Variants in KIRREL3 observed in about 807,000 individuals in gnomAD.
The protein encoded by KIRREL3 is kirre like nephrin family adhesion molecule 3, also known as kin of IRRE-like protein 3.
Under a neutral mutation model 89.7 loss-of-function variants are expected in KIRREL3, and 36 were observed. That is an observed-to-expected ratio of 0.40 (90% CI 0.31 to 0.53). KIRREL3 has a LOEUF of 0.53. Ranked by LOEUF, KIRREL3 falls within the 20% of genes least tolerant of loss-of-function variation. KIRREL3 has a pLI of 0.49. For missense variants in KIRREL3, 864 were observed against 1,056.6 expected (o/e 0.82, Z 2.53); for synonymous variants, 445 against 441.4 (o/e 1.01, Z -0.10).
chr11:126,813,629 C>T (rs1022572077), intron 1 of KIRREL3, among the ~76,000 whole-genome samples: 5 of 152,130 alleles, frequency 3.3e-5, no homozygotes, highest in Non-Finnish European at 5.9e-5. Context: ...ACCATTTAGT[C>T]ATTAGGACCC....
chr11:126,544,038 C>T lies in KIRREL3; in HGVS notation c.134-17351G>A, dbSNP rs957554991. The stretch of plus-strand genomic sequence containing the variant: ...CAGCACATGGGCATGTGGCCCCACT[C>T]CTGTCTGCTCCCCAGGACAACTCTA... On this transcript the variant is annotated intron_variant, in intron 2 of 16. Coordinates refer to ENST00000525144, the MANE Select transcript of KIRREL3 (RefSeq NM_032531.4). The surrounding 1 kb of genome is among the most constrained non-coding windows in gnomAD (Gnocchi z 5.6). 4 of 152,480 alleles carry T rather than the reference C, an allele frequency of 2.6e-5. No homozygotes were observed. Among genetic ancestry groups the T allele is most frequent in the Non-Finnish European group, 5.9e-5 (4 of 68,262 alleles). The allele number at this position is 152,480 out of a possible 1,614,324, so 9.4% of individuals were successfully genotyped here.
At chr11:126,472,369 C>T (rs1191325774) in intron 5 of KIRREL3, among the ~76,000 whole-genome samples, 6 of 152,156 alleles carry the variant, frequency 3.9e-5, no homozygotes, top group Non-Finnish European at 8.8e-5. Context: ...TGTTGAGGGA[C>T]AGACACCTGG....
At chr11:126,626,995 T>A (rs1212636337) in intron 1 of KIRREL3, among the ~76,000 whole-genome samples, 1 of 131,274 alleles carries the variant, frequency 7.6e-6, no homozygotes, top group Admixed American at 8.4e-5. Flanking sequence ...AGTGAAACAC[T>A]GTCTCAAGAA....
At chr11:126,461,558 C>G (rs1257253324) in intron 6 of KIRREL3, among the ~76,000 whole-genome samples, 3 of 152,166 alleles carry the variant, frequency 2.0e-5, no homozygotes, top group Non-Finnish European at 4.4e-5. Context: ...GGTGGCAAGA[C>G]AGTGAAGATA....
At chr11:126,446,302 C>CTTTCTT (rs754506296) in intron 9 of KIRREL3, among the ~76,000 whole-genome samples, 1 of 145,956 alleles carries the variant, frequency 6.9e-6, no homozygotes, top group Admixed American at 6.9e-5. Flanking sequence ...TTCTTTCTTT[C>CTTTCTT]TCTCTCTCTC....
In KIRREL3 at chr11:126,666,503, A is replaced by G. The variant is rs1028287015; in HGVS notation, c.56-103591T>C. On this transcript the variant is annotated intron_variant, in intron 1 of 16. Coordinates refer to ENST00000525144, the MANE Select transcript of KIRREL3 (RefSeq NM_032531.4). The surrounding 1 kb of genome is among the most constrained non-coding windows in gnomAD (Gnocchi z 4.2). Reference sequence around the variant, plus strand: ...AGAAGGGACAAATCTAATGATAAGAAAGTTACAGCCAAGTTTATTGAACAA... The same window carrying G: ...AGAAGGGACAAATCTAATGATAAGAGAGTTACAGCCAAGTTTATTGAACAA... Among the ~76,000 whole-genome samples, 101 of 152,360 alleles carry G rather than the reference A, an allele frequency of 6.6e-4. 1 individual carries two copies. Among genetic ancestry groups the G allele is most frequent in the Admixed American group, 6.5e-3 (100 of 15,306 alleles).
In KIRREL3 at chr11:126,484,881, T is replaced by C. The variant is rs1265034515; in HGVS notation, c.434-11415A>G. ...CCCAGGCTGGAGTGCAATGGCACAA[T>C]GTAGGCTCACTGCAGCCTCCGCCTC... On this transcript the variant is annotated intron_variant, in intron 4 of 16. Transcript: ENST00000525144. The surrounding 1 kb of genome is among the most constrained non-coding windows in gnomAD (Gnocchi z 5.2). 6.6e-6 allele frequency among the ~76,000 whole-genome samples: 1 copy of C among 151,296 alleles called. No homozygotes were observed. Among genetic ancestry groups the C allele is most frequent in the African/African-American group, 2.4e-5 (1 of 41,128 alleles).
rs1442587574 is a variant in KIRREL3, at chr11:126,837,799, C to T, written c.55+162656G>A. Among the ~76,000 whole-genome samples, 1 of 152,218 alleles carries T rather than the reference C, an allele frequency of 6.6e-6. No individual in the cohort carries two copies. The highest frequency in any genetic ancestry group is 1.5e-5 in the Non-Finnish European group (1 of 68,040). ...CACAATGGAAGCTTTGTTTATTTCA[C>T]ATGGGACAGCAACTTGCTATCCATT... On this transcript the variant is annotated intron_variant, in intron 1 of 16. Transcript: ENST00000525144. This position sits in a 1 kb window ranked among gnomAD's most constrained non-coding sequence, Gnocchi z 4.7.
rs578107961 is a variant in KIRREL3 at position 126,764,774 on chromosome 11, G to A, written c.56-201862C>T. Reference sequence around the variant, plus strand: ...CTTAGGGCCTGTGCTGTAAGCCTCCGGGGCCATATAAACGCGGCTATTTTC... The same window carrying A: ...CTTAGGGCCTGTGCTGTAAGCCTCCAGGGCCATATAAACGCGGCTATTTTC... On this transcript the variant is annotated intron_variant, in intron 1 of 16. Coordinates refer to ENST00000525144, the MANE Select transcript of KIRREL3 (RefSeq NM_032531.4). This position sits in a 1 kb window ranked among gnomAD's most constrained non-coding sequence, Gnocchi z 4.2. Among the ~76,000 whole-genome samples, 20 of 152,212 alleles carry A rather than the reference G, an allele frequency of 1.3e-4. No homozygotes were observed. In the South Asian group the frequency reaches 1.4e-3, roughly 11 times the overall value.
chr11:126,922,113 A>ATCTG (rs1555089441), intron 1 of KIRREL3, among the ~76,000 whole-genome samples: 15,465 of 140,876 alleles, frequency 0.11, 1,009 homozygotes, highest in East Asian at 0.21. Context: ...CGATCTATCT[A>ATCTG]TCTGTCTGTC....
rs1941426566 is a variant in KIRREL3 at position 126,579,449 on chromosome 11, T to G, written c.56-16537A>C. Among the ~76,000 whole-genome samples the G allele has an allele frequency of 6.6e-6, 1 of 152,180 alleles. No homozygotes were observed. The highest frequency in any genetic ancestry group is 1.5e-5 in the Non-Finnish European group (1 of 68,044). On this transcript the variant is annotated intron_variant, in intron 1 of 16. Transcript: ENST00000525144. The surrounding 1 kb of genome is among the most constrained non-coding windows in gnomAD (Gnocchi z 5.3). Reference sequence around the variant, plus strand: ...TATTAGATTTCTACTGTGCCTTTTCTCTGCAGAGTGCTCAGTGTCCCCAGG... The same window carrying G: ...TATTAGATTTCTACTGTGCCTTTTCGCTGCAGAGTGCTCAGTGTCCCCAGG...
chr11:126,923,445 CTTTT>C (rs35440461), intron 1 of KIRREL3, among the ~76,000 whole-genome samples: 1 of 95,336 alleles, frequency 1.0e-5, no homozygotes. Context: ...TCTTCTCCTT[CTTTT>C]TTTTTTTTTT....
chr11:126,512,186 G>A (rs1211149461), intron 4 of KIRREL3, among the ~76,000 whole-genome samples: 1 of 152,240 alleles, frequency 6.6e-6, no homozygotes, highest in Non-Finnish European at 1.5e-5. Flanking sequence ...GTGAGGGTCA[G>A]TACTTCAGGC....
chr11:126,451,120 T>C (rs1258490045), intron 7 of KIRREL3, among the ~76,000 whole-genome samples: 11 of 148,980 alleles, frequency 7.4e-5, no homozygotes, highest in African/African-American at 2.0e-4. Context: ...TGCATGTGTG[T>C]GTGTGCATGT....
rs546598978 is a variant in KIRREL3 at position 126,917,312 on chromosome 11, G to A, written c.55+83143C>T. 6.6e-6 allele frequency among the ~76,000 whole-genome samples: 1 copy of A among 152,258 alleles called. No individual in the cohort carries two copies. The highest frequency in any genetic ancestry group is 6.5e-5 in the Admixed American group (1 of 15,280). ...TCAGGACTGAGACGGAAGGAAGTGG[G>A]AGTTATTGCTTAATGGGTACAGAAT... is the stretch of plus-strand genomic sequence containing the variant. On this transcript the variant is annotated intron_variant, in intron 1 of 16. Transcript: ENST00000525144. This position sits in a 1 kb window ranked among gnomAD's most constrained non-coding sequence, Gnocchi z 5.0.
chr11:126,554,062 G>A (rs1939498876), intron 2 of KIRREL3, among the ~76,000 whole-genome samples: 1 of 152,168 alleles, frequency 6.6e-6, no homozygotes, highest in African/African-American at 2.4e-5. Context: ...CAGTTCCAGA[G>A]TCAGTTCTAG....
At chr11:126,545,215 A>T (rs1383397891) in intron 2 of KIRREL3, among the ~76,000 whole-genome samples, 1 of 152,192 alleles carries the variant, frequency 6.6e-6, no homozygotes, top group Non-Finnish European at 1.5e-5. Flanking sequence ...CCAAGATAAC[A>T]TGAAACTGCC....
At chr11:126,707,125 A>T (rs928346256) in intron 1 of KIRREL3, among the ~76,000 whole-genome samples, 1 of 151,782 alleles carries the variant, frequency 6.6e-6, no homozygotes, top group Admixed American at 6.6e-5. Context: ...GCTAATTTTT[A>T]AATTTTTTGT....
intron 1 of KIRREL3, among the ~76,000 whole-genome samples, chr11:126,673,575 T>C (rs1312200043): frequency 6.6e-6 from 1 of 152,146 alleles, no homozygotes; most frequent in Non-Finnish European, 1.5e-5. Flanking sequence ...TCATCTGTGT[T>C]TTCACTCACC....
Sources: gnomAD v4.1 joint callset for allele counts (sites outside exome capture counted in the v4.1 genomes callset) on GRCh38, gnomAD v4.1.1 for gene constraint, Gnocchi (gnomAD v3.1) non-coding constraint, MANE v1.5 for transcripts, NCBI Gene and HGNC (gene_info 2026-07-23, HGNC 2026-07-21) for gene names.